Variants in TMEM132A observed in about 807,000 individuals in gnomAD.
The protein encoded by TMEM132A is GRP78-binding protein.
TMEM132A carries 48 observed loss-of-function variants against 69.9 expected under a neutral mutation model. That is an observed-to-expected ratio of 0.69 (90% confidence interval 0.55 to 0.87). The LOEUF is 0.87. Among genes scored for constraint, TMEM132A ranks in the 40% least tolerant of loss-of-function variants. The probability of loss-of-function intolerance (pLI) is 0.00; values close to 1 mark genes in which losing one functional copy is unlikely to be tolerated. For synonymous variants in TMEM132A, 577 were observed against 613.7 expected (o/e 0.94, Z 0.88); for missense variants, 1,287 against 1,407.2 (o/e 0.91, Z 1.37).
At position 60,928,823 on chromosome 11, in the gene TMEM132A, C is replaced by T; in HGVS notation, c.729C>T (p.Asp243=). ...PVGGVELRPA[D]PPQYQEVPLD... ...GGGGTGTGGAGCTGCGCCCAGCAGACCCCCCGCAGTACCAGGAGGTACCTC... is the reference window on the plus strand; with the variant it reads ...GGGGTGTGGAGCTGCGCCCAGCAGATCCCCCGCAGTACCAGGAGGTACCTC... The change falls in exon 4 of 11, where the codon GAC becomes GAT. Residue 243 remains aspartate, a synonymous_variant. Transcript: ENST00000453848. The T allele has an allele frequency of 1.9e-6, 3 of 1,611,646 alleles. No individual in the cohort carries two copies. Among genetic ancestry groups the T allele is most frequent in the South Asian group, 1.1e-5 (1 of 91,012 alleles).
Position 60,934,587 on chromosome 11 carries a change from C to A in TMEM132A, c.1659C>A (p.Pro553=), listed in dbSNP as rs1856548795. 1.9e-6 allele frequency: 3 copies of A among 1,560,680 alleles called. No individual in the cohort carries two copies. The highest frequency in any genetic ancestry group is 2.6e-6 in the Non-Finnish European group (3 of 1,162,034). Residue 553 remains proline, a synonymous_variant, in exon 9 of 11, where the codon CCC becomes CCA. Transcript: ENST00000453848. ...GGGCCGGTGTGCGCTTCCTCGCCCC[C>A]TTCGCGGCCCACCCGCTGGACGGCG... ...YQRAGVRFLA[P]FAAHPLDGGR...
rs758917002 is a variant in TMEM132A at position 60,927,674 on chromosome 11, C to T, written c.349C>T (p.Arg117Trp). 63 of 1,613,046 alleles carry T rather than the reference C, an allele frequency of 3.9e-5. No individual in the cohort carries two copies. Among genetic ancestry groups the T allele is most frequent in the Middle Eastern group, 3.3e-4 (2 of 6,062 alleles). ...VPPRVTEPHQRPVPWDVRAVS... is the reference protein window; with the variant it reads ...VPPRVTEPHQWPVPWDVRAVS... ...CCCTCGAGTCACTGAGCCCCACCAA[C>T]GGCCAGTCCCATGGGACGTGCGGGC... The change falls in exon 3 of 11, where the codon CGG (arginine) becomes TGG (tryptophan). Residue 117 changes from arginine to tryptophan, a missense_variant. Transcript: ENST00000453848.
Position 60,935,383 on chromosome 11 carries a change from C to T in TMEM132A, c.1968C>T (p.Ala656=), listed in dbSNP as rs770139471. The part of the protein sequence containing the change: ...GISLTLSRGT[A]HPGEVTATCW... ...CGCTGACCTTGAGCCGGGGCACTGCCCACCCCGGGGAGGTCACAGCTACGT... is the reference window on the plus strand; with the variant it reads ...CGCTGACCTTGAGCCGGGGCACTGCTCACCCCGGGGAGGTCACAGCTACGT... Residue 656 remains alanine, a synonymous_variant, in exon 10 of 11, where the codon GCC becomes GCT. Transcript: ENST00000453848. This position sits in a 1 kb window ranked among gnomAD's most constrained non-coding sequence, Gnocchi z 5.0. The T allele has an allele frequency of 1.2e-6, 2 of 1,612,482 alleles. No individual in the cohort carries two copies. The highest frequency in any genetic ancestry group is 2.7e-5 in the African/African-American group (2 of 75,006).
Position 60,931,752 on chromosome 11 carries a change from C to A in TMEM132A, c.1080C>A (p.Gly360=). Reference sequence around the variant, plus strand: ...TGGTGGAGAATAGCACTGGTGGGGGCGTAGCGGTCACTCGCCCCGTCACGT... The same window carrying A: ...TGGTGGAGAATAGCACTGGTGGGGGAGTAGCGGTCACTCGCCCCGTCACGT... ...DFVVENSTGG[G]VAVTRPVTWQ... is the part of the protein sequence containing the mutation. Residue 360 remains glycine, a synonymous_variant, in exon 6 of 11, where the codon GGC becomes GGA. Coordinates refer to ENST00000453848, the MANE Select transcript of TMEM132A (RefSeq NM_178031.3). 6.2e-7 allele frequency: 1 copy of A among 1,614,146 alleles called. No homozygotes were observed. The highest frequency in any genetic ancestry group is 8.5e-7 in the Non-Finnish European group (1 of 1,180,024).
At position 60,930,587 on chromosome 11, in the gene TMEM132A, G is replaced by C; in HGVS notation, c.944G>C (p.Arg315Pro). Residue 315 changes from arginine (R) to proline (P), a missense_variant, in exon 5 of 11, where the codon CGC becomes CCC. Transcript: ENST00000453848. ...ACACTCTGGACTGCCAAGCTGGACC[G>C]CTTCAAGGGCTCCAGGCACCACACC... ...QPTLWTAKLD[R>P]FKGSRHHTTL... 2 of 1,612,900 alleles carry C rather than the reference G, an allele frequency of 1.2e-6. No individual in the cohort carries two copies. Among genetic ancestry groups the C allele is most frequent in the Non-Finnish European group, 1.7e-6 (2 of 1,179,440 alleles).
chr11:60,933,212 T>A, intron 7 of TMEM132A: 1 of 276,726 alleles, frequency 3.6e-6, no homozygotes, highest in Non-Finnish European at 6.7e-6. Context: ...TGAAACAGAG[T>A]CTCACTCTGT....
rs757922632 is a variant in TMEM132A at position 60,935,444 on chromosome 11, G to T, written c.2028+1G>T. The stretch of plus-strand genomic sequence containing the variant: ...GTCAGCCCTTCCCGCCCCAAAGCAG[G>T]TGACAGTTGGGGGGTCAGGGGGATG... On this transcript the variant is annotated splice_donor_variant, in intron 10 of 10. Transcript: ENST00000453848. LOFTEE classifies it high-confidence loss of function. This position sits in a 1 kb window ranked among gnomAD's most constrained non-coding sequence, Gnocchi z 5.0. 3 of 1,599,320 alleles carry T rather than the reference G, an allele frequency of 1.9e-6. No individual in the cohort carries two copies. The highest frequency in any genetic ancestry group is 2.6e-6 in the Non-Finnish European group (3 of 1,173,366).
Position 60,931,969 on chromosome 11 carries a change from C to T in TMEM132A, c.1213-15C>T. ...AGCTGAGGGGCCTGGGGCTGAGCCC[C>T]TCCTCCACCCCCAGGCTGAGGAGCT... is the stretch of plus-strand genomic sequence containing the variant. On this transcript the variant is annotated splice_polypyrimidine_tract_variant and intron_variant, in intron 6 of 10. Transcript: ENST00000453848. 1.2e-6 allele frequency: 2 copies of T among 1,611,308 alleles called. No individual in the cohort carries two copies. Among genetic ancestry groups the T allele is most frequent in the South Asian group, 1.1e-5 (1 of 90,892 alleles).
Position 60,931,873 on chromosome 11 carries a change from C to CAA in TMEM132A, c.1201_1202insAA (p.Pro401GlnfsTer10). 6.2e-7 allele frequency: 1 copy of CAA among 1,614,206 alleles called. No homozygotes were observed. The highest frequency in any genetic ancestry group is 1.7e-5 in the Admixed American group (1 of 60,034). On this transcript the variant is annotated frameshift_variant, in exon 6 of 11. Transcript: ENST00000453848. LOFTEE classifies it high-confidence loss of function. Reference sequence around the variant, plus strand: ...TGAGCGGGACATCAGAGCCCTTATCCCACTGGCCAAGGTAAGGAGACCTCC... The same window carrying CAA: ...TGAGCGGGACATCAGAGCCCTTATCCAACACTGGCCAAGGTAAGGAGACCTCC...
chr11:60,933,308 C>T, intron 7 of TMEM132A: 1 of 548,974 alleles, frequency 1.8e-6, no homozygotes, highest in Middle Eastern at 4.8e-4. Flanking sequence ...TCAGCCTCCC[C>T]AGTAGCTAGG....
In TMEM132A at chr11:60,928,960, G is replaced by A. The variant is rs763076643; in HGVS notation, c.866G>A (p.Arg289Gln). ...TTCACAGCCAGCCTCCTGACCCTGC[G>A]GTGAGCACCAGGCCACGGGGATGGG... ...HNFTASLLTL[R>Q]IKVKKGLHVT... The change falls in exon 4 of 11, where the codon CGG becomes CAG. Residue 289 changes from arginine (R) to glutamine (Q), a missense_variant and splice_region_variant. By Grantham distance (43) the Arg-to-Gln change is conservative (BLOSUM62 1). Transcript: ENST00000453848. 37 of 1,611,868 alleles carry A rather than the reference G, an allele frequency of 2.3e-5. No individual in the cohort carries two copies. The Admixed American group carries it at 4.3e-4, about 19-fold the overall frequency.
In TMEM132A at chr11:60,924,516, C is replaced by T; in HGVS notation, c.-118C>T. ...GCCGCGGGGCGGGCGGCGGCGGCGG[C>T]GGCGGCGGCCGGGACCCAGCGGGCC... On this transcript the variant is annotated 5_prime_UTR_variant, in exon 1 of 11. Coordinates refer to ENST00000453848, the MANE Select transcript of TMEM132A (RefSeq NM_178031.3). 1 of 625,810 alleles carries T rather than the reference C, an allele frequency of 1.6e-6. No homozygotes were observed. The highest frequency in any genetic ancestry group is 2.3e-6 in the Non-Finnish European group (1 of 432,106). 38.8% of individuals were successfully genotyped at this position (625,810 alleles called of 1,614,324 possible).
rs752143015 is a variant in TMEM132A at position 60,935,950 on chromosome 11, C to A, written c.2115C>A (p.Ser705=). 5.6e-6 allele frequency: 9 copies of A among 1,611,668 alleles called. No homozygotes were observed. In the Admixed American group the frequency reaches 1.5e-4, roughly 27 times the overall value. ...ACGACCGCCGTGACCTGGGACTGTC[C>A]GTCTCAGCCGAGGAGCCTGGTGCCA... ...ELYDRRDLGL[S]VSAEEPGAIL... The change falls in exon 11 of 11, where the codon TCC becomes TCA. Residue 705 remains serine, a synonymous_variant. Coordinates refer to ENST00000453848, the MANE Select transcript of TMEM132A (RefSeq NM_178031.3). This position sits in a 1 kb window ranked among gnomAD's most constrained non-coding sequence, Gnocchi z 5.0.
rs756642343 is a variant in TMEM132A at position 60,936,660 on chromosome 11, G to C, written c.2825G>C (p.Gly942Ala). Residue 942 changes from glycine to alanine, a missense_variant, in exon 11 of 11, where the codon GGG becomes GCG. Transcript: ENST00000453848. ...CCTACCCTGGCCCCTGGCCCTCCTGGGGGCACCACCAGCTCCTCAAGCACC... is the reference window on the plus strand; with the variant it reads ...CCTACCCTGGCCCCTGGCCCTCCTGCGGGCACCACCAGCTCCTCAAGCACC... The part of the protein sequence containing the change: ...EAPTLAPGPP[G>A]GTTSSSSTLA... 5.8e-6 allele frequency: 9 copies of C among 1,553,004 alleles called. No individual in the cohort carries two copies. The highest frequency in any genetic ancestry group is 6.9e-6 in the Non-Finnish European group (8 of 1,151,094).
intron 4 of TMEM132A, 120 bp downstream of exon 4, chr11:60,929,080 A>G (rs1478026047): frequency 1.0e-6 from 1 of 953,778 alleles, no homozygotes; most frequent in Non-Finnish European, 1.6e-6. Flanking sequence ...ACATGTGTCC[A>G]CCAAACTAAA....
rs755284331 is a variant in TMEM132A at position 60,936,037 on chromosome 11, G to A, written c.2202G>A (p.Glu734=). Residue 734 remains glutamate (E), a synonymous_variant, in exon 11 of 11, where the codon GAG becomes GAA. Transcript: ENST00000453848. The part of the protein sequence containing the change: ...LGVVVSGAGA[E]GLPLHVALHP... ...TGGTGGTGAGTGGGGCAGGCGCCGA[G>A]GGGCTGCCGCTGCATGTGGCTCTGC... 1 of 1,601,964 alleles carries A rather than the reference G, an allele frequency of 6.2e-7. No individual in the cohort carries two copies. The highest frequency in any genetic ancestry group is 1.1e-5 in the South Asian group (1 of 90,184).
chr11:60,934,183 C>G (rs1225605318), intron 8 of TMEM132A: 2 of 381,118 alleles, frequency 5.2e-6, no homozygotes, highest in African/African-American at 2.1e-5. Context: ...CCTCTGGAAT[C>G]TAGCTTCCAG....
In TMEM132A at chr11:60,935,139, C is replaced by A. The variant is rs1357276735; in HGVS notation, c.1837-113C>A. ...GGGTGGGGGCTGTCCGTGGCGAAGA[C>A]CTCCCCCACCTCCGGAGGGCAGCCC... On this transcript the variant is annotated intron_variant, in intron 9 of 10. Transcript: ENST00000453848. This position sits in a 1 kb window ranked among gnomAD's most constrained non-coding sequence, Gnocchi z 5.0. 1 of 1,038,798 alleles carries A rather than the reference C, an allele frequency of 9.6e-7. No homozygotes were observed. The highest frequency in any genetic ancestry group is 2.6e-5 in the East Asian group (1 of 38,182). The allele number at this position is 1,038,798 out of a possible 1,614,324, so 64.3% of individuals were successfully genotyped here. A position where few individuals can be genotyped will look rare whatever the true frequency, so the allele number is the denominator to read the frequency against.
Position 60,935,400 on chromosome 11 carries a change from C to T in TMEM132A, c.1985C>T (p.Thr662Ile), listed in dbSNP as rs1303224038. Reference protein sequence around the residue: ...SRGTAHPGEVTATCWAQSALP... With the variant: ...SRGTAHPGEVIATCWAQSALP... ...GGCACTGCCCACCCCGGGGAGGTCA[C>T]AGCTACGTGCTGGGCACAGTCAGCC... Residue 662 changes from threonine to isoleucine, a missense_variant, in exon 10 of 11, where the codon ACA becomes ATA. Physicochemically the swap from Thr to Ile is moderately conservative, Grantham distance 89. Coordinates refer to ENST00000453848, the MANE Select transcript of TMEM132A (RefSeq NM_178031.3). The surrounding 1 kb of genome is among the most constrained non-coding windows in gnomAD (Gnocchi z 5.0). 3.7e-6 allele frequency: 6 copies of T among 1,611,280 alleles called. No individual in the cohort carries two copies. The highest frequency in any genetic ancestry group is 5.1e-6 in the Non-Finnish European group (6 of 1,179,154).
Sources: allele counts gnomAD v4.1 joint callset, GRCh38; gene constraint gnomAD v4.1.1; non-coding constraint Gnocchi (gnomAD v3.1); transcripts MANE v1.5; gene names NCBI Gene and HGNC (gene_info 2026-07-23, HGNC 2026-07-21).